Variants in WDR62 observed in about 807,000 individuals in gnomAD.
The protein encoded by WDR62 is WD repeat-containing protein 62.
Under a neutral mutation model 160.6 loss-of-function variants are expected in WDR62, and 112 were observed. The observed-to-expected ratio is 0.70, with a 90% confidence interval of 0.60 to 0.82. The LOEUF is 0.82. Among genes scored for constraint, WDR62 ranks in the 40% least tolerant of loss-of-function variants. The pLI is 0.00. For missense variants in WDR62, 1,819 were observed against 1,983.8 expected, an observed-to-expected ratio of 0.92 and a Z score of 1.58; for synonymous variants, 792 against 815.1, an observed-to-expected ratio of 0.97 and a Z score of 0.48.
chr19:36,080,746 C>T (rs1028673783), intron 9 of WDR62, among the ~76,000 whole-genome samples: 3 of 151,934 alleles, frequency 2.0e-5, no homozygotes, highest in Admixed American at 6.6e-5. Flanking sequence ...TGAGCCACCG[C>T]GCCCGGCCAA....
chr19:36,061,026 G>A (rs1166920985), intron 3 of WDR62: 1 of 152,292 alleles, frequency 6.6e-6, no homozygotes, highest in African/African-American at 2.4e-5. Flanking sequence ...ACCTTTGGAA[G>A]GCACACCATG....
Position 36,103,033 on chromosome 19 carries a change from C to T in WDR62, c.3421C>T (p.Pro1141Ser), listed in dbSNP as rs1973474794. Residue 1141 changes from proline to serine, a missense_variant, in exon 28 of 32, where the codon CCC (proline) becomes TCC (serine). Around this residue, in one of 3 missense-constraint regions of WDR62, gnomAD observed 770 missense variants for 734.2 expected, o/e 1.05. Transcript: ENST00000401500. ...VKLMDRGGSQPRAGTGYASPD... is the reference protein window; with the variant it reads ...VKLMDRGGSQSRAGTGYASPD... ...GCTCATGGACCGAGGCGGAAGCCAG[C>T]CCAGAGCAGGTACTGGCTACGCCTC... 1.2e-6 allele frequency: 2 copies of T among 1,614,156 alleles called. No homozygotes were observed. Among genetic ancestry groups the T allele is most frequent in the Admixed American group, 1.7e-5 (1 of 60,034 alleles).
chr19:36,103,242 T>A, intron 29 of WDR62, 35 bp downstream of exon 29: 1 of 1,612,384 alleles, frequency 6.2e-7, no homozygotes, highest in Non-Finnish European at 8.5e-7. Context: ...CAGTCCTGGG[T>A]TTCTCGGCGA....
intron 24 of WDR62, 121 bp downstream of exon 24, chr19:36,101,438 G>A: frequency 1.0e-6 from 1 of 977,554 alleles, no homozygotes; most frequent in East Asian, 2.6e-5. Flanking sequence ...GAAGACACAT[G>A]TGGTCCCTGC....
At chr19:36,092,128 T>C (rs1278091767) in intron 18 of WDR62, among the ~76,000 whole-genome samples, 1 of 151,980 alleles carries the variant, frequency 6.6e-6, no homozygotes, top group Non-Finnish European at 1.5e-5. Context: ...CTGGTCAACA[T>C]GGAGAAACTG....
intron 20 of WDR62, among the ~76,000 whole-genome samples, chr19:36,095,600 C>T (rs569460135): frequency 2.9e-4 from 44 of 152,344 alleles, no homozygotes; most frequent in Middle Eastern, 6.8e-3. Context: ...TCGAGACCAG[C>T]CTGGCCAACA....
downstream of WDR62, among the ~76,000 whole-genome samples, chr19:36,105,292 A>G (rs965619437): frequency 2.6e-5 from 4 of 152,120 alleles, no homozygotes; most frequent in Non-Finnish European, 5.9e-5. Flanking sequence ...CTGCCCACAG[A>G]GCTGCCACAG....
chr19:36,092,668 GTC>G lies in WDR62; in HGVS notation c.2211-15_2211-14del, dbSNP rs1466288586. On this transcript the variant is annotated intron_variant, in intron 18 of 31. Transcript: ENST00000401500. ...TGCTTACTCTTCCTCTGCCTTGTGT[GTC>G]TCTCTTTGACCTCCGCAGCTGCGTG... 2.5e-6 allele frequency: 4 copies of G among 1,613,824 alleles called. No homozygotes were observed. Among genetic ancestry groups the G allele is most frequent in the African/African-American group, 2.7e-5 (2 of 74,940 alleles).
chr19:36,099,618 G>A lies in WDR62; in HGVS notation c.2739+1G>A, dbSNP rs1235075779. On this transcript the variant is annotated splice_donor_variant, in intron 22 of 31. Coordinates refer to ENST00000401500, the MANE Select transcript of WDR62 (RefSeq NM_001083961.2). LOFTEE classifies it high-confidence loss of function. ...GAGCCTGGCCAGCCTGCTGAGTGAG[G>A]TACACACTTCCACCGCAGCCTGGCC... is the stretch of plus-strand genomic sequence containing the variant. The A allele has an allele frequency of 6.2e-7, 1 of 1,614,006 alleles. No individual in the cohort carries two copies. Among genetic ancestry groups the A allele is most frequent in the South Asian group, 1.1e-5 (1 of 91,090 alleles).
chr19:36,071,112 G>A (rs2145621896), intron 7 of WDR62: 1 of 190,550 alleles, frequency 5.2e-6, no homozygotes, highest in East Asian at 1.4e-4. Context: ...GCCGAGGCAG[G>A]AGAATCACTT....
chr19:36,082,452 C>A (rs900885064), intron 10 of WDR62, among the ~76,000 whole-genome samples: 1 of 152,094 alleles, frequency 6.6e-6, no homozygotes, highest in Non-Finnish European at 1.5e-5. Context: ...AATTGGAAAA[C>A]CTGAAAGAGG....
At chr19:36,084,049 A>C (rs1216730888) in intron 11 of WDR62, among the ~76,000 whole-genome samples, 2 of 152,112 alleles carry the variant, frequency 1.3e-5, no homozygotes, top group African/African-American at 2.4e-5. Context: ...CAACATGGGG[A>C]TAGTGCTCTT....
chr19:36,055,266 T>A, intron 1 of WDR62, 118 bp downstream of exon 1: 1 of 1,135,192 alleles, frequency 8.8e-7, no homozygotes, highest in East Asian at 2.6e-5. Context: ...GGTTGTTCCC[T>A]GCCATGCCTC....
At chr19:36,056,128 T>C (rs1234547426) in intron 1 of WDR62, among the ~76,000 whole-genome samples, 1 of 152,146 alleles carries the variant, frequency 6.6e-6, no homozygotes, top group Non-Finnish European at 1.5e-5. Flanking sequence ...GTCATGCCAC[T>C]GCACTCCAGC....
At chr19:36,082,507 A>AGCAGGTGCCCT (rs2145714592) in intron 10 of WDR62, among the ~76,000 whole-genome samples, 2 of 152,348 alleles carry the variant, frequency 1.3e-5, no homozygotes, top group South Asian at 4.1e-4. Context: ...AGGAGGCTGT[A>AGCAGGTGCCCT]GCAGGTGCCC....
chr19:36,066,082 C>T, intron 4 of WDR62, 67 bp downstream of exon 4: 3 of 1,596,106 alleles, frequency 1.9e-6, no homozygotes, highest in Non-Finnish European at 2.6e-6. Flanking sequence ...TCCTTCTGCT[C>T]CCGGCAGGCC....
rs377491415 is a variant in WDR62, at chr19:36,068,183, C to T, written c.882+173C>T. Among the ~76,000 whole-genome samples the T allele has an allele frequency of 1.4e-4, 22 of 152,272 alleles. No homozygotes were observed. In the East Asian group the frequency reaches 2.1e-3, roughly 15 times the overall value. ...TGTAAAATGGGAGTACTGCTGCCCT[C>T]CCCGCAGAGCTGATAAGGAAGTCAC... On this transcript the variant is annotated intron_variant, in intron 7 of 31. Transcript: ENST00000401500.
intron 3 of WDR62, among the ~76,000 whole-genome samples, chr19:36,064,800 A>T (rs1343993740): frequency 6.7e-6 from 1 of 148,848 alleles, no homozygotes; most frequent in African/African-American, 2.5e-5. Flanking sequence ...CTGTTCGCGA[A>T]TTCCTGACCT....
Position 36,101,267 on chromosome 19 carries a change from C to G in WDR62, c.2921C>G (p.Ser974Cys). 6.2e-7 allele frequency: 1 copy of G among 1,613,128 alleles called. No individual in the cohort carries two copies. The highest frequency in any genetic ancestry group is 1.1e-5 in the South Asian group (1 of 90,706). ...GGGCCTGGAGACCAGCAGGGCGACT[C>G]CTACCTCAGGGTGTCCTCCGACAGC... ...EAGPGDQQGD[S>C]YLRVSSDSPK... The change falls in exon 24 of 32, where the codon TCC becomes TGC. Residue 974 changes from serine (S) to cysteine (C), a missense_variant. By Grantham distance (112) the Ser-to-Cys change is moderately radical (BLOSUM62 -1). Transcript: ENST00000401500.
Sources: allele counts gnomAD v4.1 joint callset (sites outside exome capture counted in the v4.1 genomes callset), GRCh38; gene constraint gnomAD v4.1.1; regional missense constraint gnomAD v4.1.1; transcripts MANE v1.5; gene names NCBI Gene and HGNC (gene_info 2026-07-23, HGNC 2026-07-21).